The following CCDC85A variants were observed in gnomAD, a reference collection of about 807,000 sequenced individuals.
CCDC85A encodes the protein coiled-coil domain-containing protein 85A.
Under a neutral mutation model 50.2 loss-of-function variants are expected in CCDC85A, and 38 were observed. That is an observed-to-expected ratio of 0.76 (90% confidence interval 0.58 to 0.99). The LOEUF is 0.99. Ranked by LOEUF, CCDC85A falls within the 50% of genes least tolerant of loss-of-function variation. The probability of loss-of-function intolerance (pLI) is 0.00; values close to 1 mark genes in which losing one functional copy is unlikely to be tolerated. For missense variants in CCDC85A, 820 were observed against 742.0 expected (o/e 1.11, Z -1.22); for synonymous variants, 366 against 301.4 (o/e 1.21, Z -2.22).
At chr2:56,242,855 G>T (rs9653542) in intron 2 of CCDC85A, among the ~76,000 whole-genome samples, 32,440 of 151,842 alleles carry the variant, frequency 0.21, 3,526 homozygotes, top group East Asian at 0.28. Context: ...GTGGCCTGGA[G>T]AATTCCTTCA....
chr2:56,349,331 A>G (rs1013695390), intron 3 of CCDC85A, among the ~76,000 whole-genome samples: 21 of 152,306 alleles, frequency 1.4e-4, no homozygotes, highest in Non-Finnish European at 1.5e-4. Flanking sequence ...GTAGTTCAAT[A>G]GAGCTTTCAG....
intron 2 of CCDC85A, among the ~76,000 whole-genome samples, chr2:56,223,522 C>A (rs1200644224): frequency 6.6e-6 from 1 of 152,108 alleles, no homozygotes; most frequent in African/African-American, 2.4e-5. Flanking sequence ...TCACTTTCAT[C>A]CACTAAAAAT....
intron 3 of CCDC85A, among the ~76,000 whole-genome samples, chr2:56,346,612 A>G (rs1471036177): frequency 2.6e-5 from 4 of 152,194 alleles, no homozygotes; most frequent in Non-Finnish European, 4.4e-5. Flanking sequence ...TGTGAACACA[A>G]CATTTCAAAG....
At chr2:56,319,706 A>G (rs1290560271) in intron 2 of CCDC85A, among the ~76,000 whole-genome samples, 1 of 152,096 alleles carries the variant, frequency 6.6e-6, no homozygotes, top group African/African-American at 2.4e-5. Context: ...GATTTTTCAC[A>G]GTTTCAGCAG....
Position 56,352,879 on chromosome 2 carries a change from A to T in CCDC85A, c.1317+9924A>T, listed in dbSNP as rs571814522. Among the ~76,000 whole-genome samples the T allele has an allele frequency of 2.0e-5, 3 of 152,290 alleles. No homozygotes were observed. The East Asian group carries it at 5.8e-4, about 29-fold the overall frequency. On this transcript the variant is annotated intron_variant, in intron 3 of 5. Coordinates refer to ENST00000407595, the MANE Select transcript of CCDC85A (RefSeq NM_001080433.2). ...CCAGGAGGACACCCTTAACCTCTCT[A>T]AGCCTTATATAGCTTGTCTATAAAA...
At chr2:56,367,414 A>C (rs1675851256) in intron 3 of CCDC85A, among the ~76,000 whole-genome samples, 2 of 152,186 alleles carry the variant, frequency 1.3e-5, no homozygotes, top group Non-Finnish European at 2.9e-5. Context: ...TCCTGTGGGC[A>C]ACATGTCCTC....
chr2:56,185,283 G>A (rs1030685833), intron 1 of CCDC85A, among the ~76,000 whole-genome samples: 15 of 152,188 alleles, frequency 9.9e-5, no homozygotes, highest in African/African-American at 3.6e-4. Context: ...GGGGATCTTC[G>A]CCTTGGAGGG....
chr2:56,196,252 T>G (rs1573008344), intron 2 of CCDC85A, among the ~76,000 whole-genome samples: 1 of 152,186 alleles, frequency 6.6e-6, no homozygotes, highest in East Asian at 1.9e-4. Context: ...TTCTCAAAAA[T>G]GCATTTAACT....
intron 2 of CCDC85A, among the ~76,000 whole-genome samples, chr2:56,317,324 C>T (rs1381046754): frequency 1.3e-5 from 2 of 151,986 alleles, no homozygotes; most frequent in Non-Finnish European, 2.9e-5. Context: ...ATTTACTTTC[C>T]ATATTAAGGA....
At chr2:56,272,841 T>A (rs1270780353) in intron 2 of CCDC85A, among the ~76,000 whole-genome samples, 1 of 152,168 alleles carries the variant, frequency 6.6e-6, no homozygotes, top group East Asian at 1.9e-4. Context: ...CAAGGATAAT[T>A]TCAGTGCCTC....
chr2:56,226,293 G>A (rs1668539333), intron 2 of CCDC85A, among the ~76,000 whole-genome samples: 1 of 152,138 alleles, frequency 6.6e-6, no homozygotes, highest in Non-Finnish European at 1.5e-5. Context: ...GATGTTATGA[G>A]GGCAAGGACT....
chr2:56,245,197 C>A (rs1249670933), intron 2 of CCDC85A, among the ~76,000 whole-genome samples: 1 of 152,196 alleles, frequency 6.6e-6, no homozygotes, highest in Non-Finnish European at 1.5e-5. Flanking sequence ...TTTAGAATCC[C>A]ACAGTACTTT....
At chr2:56,326,488 A>G (rs1476014692) in intron 2 of CCDC85A, among the ~76,000 whole-genome samples, 1 of 152,120 alleles carries the variant, frequency 6.6e-6, no homozygotes, top group East Asian at 1.9e-4. Context: ...AAGGGCCCAA[A>G]TGAACTTCAA....
rs1676354800 is a variant in CCDC85A at position 56,192,822 on chromosome 2, G to A, written c.622G>A (p.Gly208Ser). The A allele has an allele frequency of 6.2e-7, 1 of 1,613,366 alleles. No individual in the cohort carries two copies. The highest frequency in any genetic ancestry group is 8.5e-7 in the Non-Finnish European group (1 of 1,179,672). Residue 208 changes from glycine (G) to serine (S), a missense_variant, in exon 2 of 6, where the codon GGT (glycine) becomes AGT (serine). Physicochemically the swap from Gly to Ser is moderately conservative, Grantham distance 56. Coordinates refer to ENST00000407595, the MANE Select transcript of CCDC85A (RefSeq NM_001080433.2). This position sits in a 1 kb window ranked among gnomAD's most constrained non-coding sequence, Gnocchi z 4.7. Reference sequence around the variant, plus strand: ...CACCGCACCCTACGTGCGGGATGTGGGTGACGGCAGCAGCACCTCCAGCAC... The same window carrying A: ...CACCGCACCCTACGTGCGGGATGTGAGTGACGGCAGCAGCACCTCCAGCAC... ...ASTAPYVRDVGDGSSTSSTGS... is the reference protein window; with the variant it reads ...ASTAPYVRDVSDGSSTSSTGS...
chr2:56,203,932 C>T (rs146740478), intron 2 of CCDC85A, among the ~76,000 whole-genome samples: 8 of 152,246 alleles, frequency 5.3e-5, no homozygotes, highest in Middle Eastern at 3.4e-3. Flanking sequence ...GGCTGGATAA[C>T]GGCATGCCTA....
At chr2:56,284,627 C>T (rs1671349122) in intron 2 of CCDC85A, among the ~76,000 whole-genome samples, 2 of 152,182 alleles carry the variant, frequency 1.3e-5, no homozygotes, top group Admixed American at 6.5e-5. Context: ...CCTGCCTTGG[C>T]CTCCCAAACT....
chr2:56,338,764 G>T (rs1214263017), intron 2 of CCDC85A, among the ~76,000 whole-genome samples: 2 of 151,926 alleles, frequency 1.3e-5, no homozygotes, highest in Admixed American at 6.6e-5. Context: ...TGTCACAGTT[G>T]GGAGATTGGA....
intron 2 of CCDC85A, among the ~76,000 whole-genome samples, chr2:56,310,085 C>G (rs541712909): frequency 6.6e-6 from 1 of 152,268 alleles, no homozygotes; most frequent in Admixed American, 6.6e-5. Context: ...ATTACTTTCT[C>G]CAGGTCTCGT....
In CCDC85A at chr2:56,210,908, T is replaced by A. The variant is rs79275685; in HGVS notation, c.1240+17468T>A. On this transcript the variant is annotated intron_variant, in intron 2 of 5. Coordinates refer to ENST00000407595, the MANE Select transcript of CCDC85A (RefSeq NM_001080433.2). ...GCCGATCAAGATGCAAGCAGAGTGG[T>A]CACAGAAACCTCTTCTTGATGAGCT... is the stretch of plus-strand genomic sequence containing the variant. 9.8e-3 allele frequency among the ~76,000 whole-genome samples: 1,488 copies of A among 152,136 alleles called. 11 individuals are homozygous for A. Among genetic ancestry groups the A allele is most frequent in the Non-Finnish European group, 0.016 (1,076 of 67,958 alleles).
Sources: allele counts gnomAD v4.1 joint callset (sites outside exome capture counted in the v4.1 genomes callset), GRCh38; gene constraint gnomAD v4.1.1; non-coding constraint Gnocchi (gnomAD v3.1); transcripts MANE v1.5; gene names NCBI Gene and HGNC (gene_info 2026-07-23, HGNC 2026-07-21).